The following TSPAN12 variants were observed in gnomAD, a reference collection of about 807,000 sequenced individuals.
TSPAN12 encodes tetraspanin 12.
A neutral mutation model predicts 39.2 loss-of-function variants in TSPAN12; 19 were observed. That is an observed-to-expected ratio of 0.49 (90% CI 0.34 to 0.71). The LOEUF (loss-of-function observed/expected upper bound fraction) is 0.71, where lower values mean the gene tolerates loss of function less well. TSPAN12 is among the 30% of genes least tolerant of loss of function. The pLI is 0.01. For synonymous variants in TSPAN12, 119 were observed against 124.8 expected (o/e 0.95, Z 0.31); for missense variants, 314 against 359.9 (o/e 0.87, Z 1.03).
chr7:120,805,078 C>G (rs779300367), intron 7 of TSPAN12, among the ~76,000 whole-genome samples: 1 of 152,040 alleles, frequency 6.6e-6, no homozygotes, highest in Non-Finnish European at 1.5e-5. Context: ...TTTGTTATGG[C>G]AGCTCTAGGA....
chr7:120,853,533 T>A (rs544312143), intron 2 of TSPAN12, among the ~76,000 whole-genome samples: 1 of 149,014 alleles, frequency 6.7e-6, no homozygotes, highest in African/African-American at 2.4e-5. Context: ...TTTATATTTA[T>A]TTTTATACAT....
chr7:120,794,081 T>G (rs189667584), intron 7 of TSPAN12, among the ~76,000 whole-genome samples: 15 of 152,360 alleles, frequency 9.8e-5, no homozygotes, highest in African/African-American at 3.6e-4. Context: ...CTGCTTACTC[T>G]TTCCTTTAAC....
In TSPAN12 at chr7:120,857,007, C is replaced by G. The variant is rs994525758; in HGVS notation, c.-70-174G>C. On this transcript the variant is annotated intron_variant, in intron 1 of 7. Transcript: ENST00000222747. ...TTAAAATCATAATGGTAACTAAACT[C>G]CCAAAAGTTCCAAACCGGCTTCAGA... is the stretch of plus-strand genomic sequence containing the variant. The G allele has an allele frequency of 8.6e-6, 5 of 582,696 alleles. No homozygotes were observed. The African/African-American group carries it at 9.3e-5, about 11-fold the overall frequency. 36.1% of individuals were successfully genotyped at this position (582,696 alleles called of 1,614,324 possible). A position where few individuals can be genotyped will look rare whatever the true frequency, so the allele number is the denominator to read the frequency against.
At chr7:120,840,821 AT>A (rs1162924205) in intron 2 of TSPAN12, among the ~76,000 whole-genome samples, 1 of 152,226 alleles carries the variant, frequency 6.6e-6, no homozygotes, top group African/African-American at 2.4e-5. Context: ...TTTCTGTAAT[AT>A]TTGCAGGAAG....
chr7:120,813,807 C>T (rs1794028694), intron 5 of TSPAN12, among the ~76,000 whole-genome samples: 1 of 152,098 alleles, frequency 6.6e-6, no homozygotes, highest in South Asian at 2.1e-4. Flanking sequence ...ACCACAGAAA[C>T]CGATTCCCTG....
intron 4 of TSPAN12, among the ~76,000 whole-genome samples, chr7:120,831,990 TCTAG>T (rs1311497772): frequency 6.9e-6 from 1 of 145,872 alleles, no homozygotes; most frequent in East Asian, 1.9e-4. Flanking sequence ...TCTAAAGAAT[TCTAG>T]CTAACAAGTC....
chr7:120,793,279 T>C (rs1793568673), intron 7 of TSPAN12, among the ~76,000 whole-genome samples: 1 of 152,260 alleles, frequency 6.6e-6, no homozygotes. Flanking sequence ...AATGACATAT[T>C]AAGACAATCA....
chr7:120,794,421 C>T (rs1793591541), intron 7 of TSPAN12, among the ~76,000 whole-genome samples: 1 of 152,130 alleles, frequency 6.6e-6, no homozygotes, highest in Non-Finnish European at 1.5e-5. Context: ...TGGCCATCCT[C>T]TTGGTGATAA....
intron 1 of TSPAN12, 145 bp downstream of exon 1, chr7:120,857,675 C>T (rs1584959546): frequency 6.6e-6 from 1 of 152,208 alleles, no homozygotes; most frequent in African/African-American, 2.4e-5. Context: ...CGTCCGCGCG[C>T]CCCCGGCAGG....
chr7:120,812,360 C>T (rs17142971), intron 5 of TSPAN12, among the ~76,000 whole-genome samples: 4,160 of 152,192 alleles, frequency 0.027, 183 homozygotes, highest in African/African-American at 0.096. Context: ...TGGACATTCC[C>T]ATCTGATCTA....
At chr7:120,854,342 A>G (rs1794829397) in intron 2 of TSPAN12, among the ~76,000 whole-genome samples, 1 of 152,228 alleles carries the variant, frequency 6.6e-6, no homozygotes, top group Non-Finnish European at 1.5e-5. Context: ...CCATAATGAT[A>G]GTAGCAATCC....
chr7:120,795,096 C>T (rs1747497695), intron 7 of TSPAN12, among the ~76,000 whole-genome samples: 1 of 152,030 alleles, frequency 6.6e-6, no homozygotes, highest in Admixed American at 6.5e-5. Flanking sequence ...AAAGAGGAGG[C>T]AAATGATAAA....
intron 7 of TSPAN12, among the ~76,000 whole-genome samples, chr7:120,802,028 C>CTGTCTTTTA: frequency 6.6e-6 from 1 of 152,166 alleles, no homozygotes; most frequent in South Asian, 2.1e-4. Context: ...TTTCTAACTG[C>CTGTCTTTTA]TGTCTTTTAT....
intron 5 of TSPAN12, among the ~76,000 whole-genome samples, chr7:120,812,877 G>A (rs928144716): frequency 6.6e-5 from 10 of 152,030 alleles, no homozygotes; most frequent in African/African-American, 2.4e-4. Flanking sequence ...AATAGAAGAT[G>A]AGCAGTACAA....
At chr7:120,847,248 C>CAA (rs1334557012) in intron 2 of TSPAN12, among the ~76,000 whole-genome samples, 7 of 122,100 alleles carry the variant, frequency 5.7e-5, no homozygotes, top group African/African-American at 2.7e-4. Context: ...AAAAAAAAAA[C>CAA]AAAAAACCAG....
chr7:120,814,772 T>A (rs907196944), intron 5 of TSPAN12, among the ~76,000 whole-genome samples: 2 of 152,192 alleles, frequency 1.3e-5, no homozygotes, highest in Non-Finnish European at 2.9e-5. Context: ...TCCCAACCAT[T>A]TCAACTGCTG....
At chr7:120,816,088 T>C (rs1794076298) in intron 4 of TSPAN12, among the ~76,000 whole-genome samples, 1 of 152,192 alleles carries the variant, frequency 6.6e-6, no homozygotes, top group Non-Finnish European at 1.5e-5. Flanking sequence ...TGTTCTAGTT[T>C]GATAAACTTT....
intron 2 of TSPAN12, among the ~76,000 whole-genome samples, chr7:120,851,115 G>T (rs1454160406): frequency 6.6e-6 from 1 of 152,060 alleles, no homozygotes; most frequent in Non-Finnish European, 1.5e-5. Context: ...GTAAAGTTGG[G>T]GACACCAATT....
intron 2 of TSPAN12, among the ~76,000 whole-genome samples, chr7:120,843,587 G>A (rs984900350): frequency 2.0e-5 from 3 of 152,172 alleles, no homozygotes; most frequent in African/African-American, 4.8e-5. Context: ...CATGGTATAA[G>A]CACTTGCCCA....
Sources: allele counts gnomAD v4.1 joint callset (sites outside exome capture counted in the v4.1 genomes callset), GRCh38; gene constraint gnomAD v4.1.1; transcripts MANE v1.5; gene names NCBI Gene and HGNC (gene_info 2026-07-23, HGNC 2026-07-21).